TRPM2: variants seen among roughly 807,000 people sequenced by gnomAD.
TRPM2 encodes estrogen-responsive element-associated gene 1 protein.
A neutral mutation model predicts 174.0 loss-of-function variants in TRPM2; 161 were observed. The ratio of observed to expected loss-of-function variants is 0.93; its 90% CI spans 0.81 to 1.05. The LOEUF (loss-of-function observed/expected upper bound fraction) is 1.05, where lower values mean the gene tolerates loss of function less well. TRPM2 is among the 50% of genes least tolerant of loss of function. The probability of loss-of-function intolerance (pLI) is 0.00; values close to 1 mark genes in which losing one functional copy is unlikely to be tolerated. For missense variants in TRPM2, 2,057 were observed against 2,038.0 expected (o/e 1.01, Z -0.18); for synonymous variants, 954 against 861.3 (o/e 1.11, Z -1.88).
chr21:44,392,842 A>G (rs2049226081), intron 11 of TRPM2, among the ~76,000 whole-genome samples: 1 of 152,130 alleles, frequency 6.6e-6, no homozygotes, highest in African/African-American at 2.4e-5. Context: ...TTTTTCCGAC[A>G]GTCAGGTCAG....
At chr21:44,388,249 T>C (rs1489289457) in intron 9 of TRPM2, among the ~76,000 whole-genome samples, 3 of 152,190 alleles carry the variant, frequency 2.0e-5, no homozygotes, top group Admixed American at 1.3e-4. Flanking sequence ...TTCTGACACA[T>C]GCTGCAACAT....
chr21:44,378,086 GA>G (rs1176619305), intron 7 of TRPM2, among the ~76,000 whole-genome samples: 1 of 152,214 alleles, frequency 6.6e-6, no homozygotes, highest in Non-Finnish European at 1.5e-5. Context: ...ACCTGCTGGG[GA>G]GGCTGGGGGG....
Position 44,407,080 on chromosome 21 carries a change from C to T in TRPM2, c.2962+315C>T, listed in dbSNP as rs551685187. On this transcript the variant is annotated intron_variant, in intron 19 of 31. Transcript: ENST00000397928. ...GAATGTCACCCTGTATCCCCTTTCC[C>T]TCTCACCTCAATCAGAAATAACTTC... Among the ~76,000 whole-genome samples, 50 of 137,634 alleles carry T rather than the reference C, an allele frequency of 3.6e-4. No individual in the cohort carries two copies. In the East Asian group the frequency reaches 8.2e-3, roughly 22 times the overall value. 90.3% of individuals were successfully genotyped at this position (137,634 alleles called of 152,430 possible).
chr21:44,350,746 C>T (rs2122996269), upstream of TRPM2, among the ~76,000 whole-genome samples: 10 of 151,866 alleles, frequency 6.6e-5, no homozygotes, highest in African/African-American at 2.2e-4. Context: ...GACTGGAGCA[C>T]CCAGTGTGCG....
rs1408328058 is a variant in TRPM2, at chr21:44,390,886, G to A, written c.1319-18G>A. On this transcript the variant is annotated intron_variant, in intron 9 of 31. Transcript: ENST00000397928. ...TGAGCTCCAGATCGAGGCCCAATAT[G>A]CACCTGTTCATCTGCAGCCTCACGG... is the stretch of plus-strand genomic sequence containing the variant. 2 of 1,613,922 alleles carry A rather than the reference G, an allele frequency of 1.2e-6. No homozygotes were observed. Among genetic ancestry groups the A allele is most frequent in the Non-Finnish European group, 1.7e-6 (2 of 1,180,022 alleles).
At chr21:44,384,963 C>T (rs754520456) in intron 9 of TRPM2, among the ~76,000 whole-genome samples, 12 of 152,160 alleles carry the variant, frequency 7.9e-5, no homozygotes, top group Non-Finnish European at 1.5e-4. Context: ...TATTCTGATA[C>T]CAAAGACAGA....
At chr21:44,406,523 TG>T (rs750220920) in intron 18 of TRPM2, 70 bp from the exon 19 acceptor site, 125 of 1,516,756 alleles carry the variant, frequency 8.2e-5, no homozygotes, top group Non-Finnish European at 1.0e-4. Flanking sequence ...CCACCGCTGC[TG>T]GGCCTGCCTC....
Position 44,376,015 on chromosome 21 carries a change from TA to T in TRPM2, c.952+3del. The stretch of plus-strand genomic sequence containing the variant: ...CGGAGCAGACCAAGGAAAGAGGAGG[TA>T]GGGGAGCTTGCTTTCGAGGGTGATT... On this transcript the variant is annotated splice_donor_region_variant and intron_variant, in intron 6 of 31. Coordinates refer to ENST00000397928, the MANE Select transcript of TRPM2 (RefSeq NM_003307.4). The surrounding 1 kb of genome is among the most constrained non-coding windows in gnomAD (Gnocchi z 4.2). 1 of 1,610,380 alleles carries T rather than the reference TA, an allele frequency of 6.2e-7. No individual in the cohort carries two copies. Among genetic ancestry groups the T allele is most frequent in the Non-Finnish European group, 8.5e-7 (1 of 1,177,324 alleles).
intron 9 of TRPM2, among the ~76,000 whole-genome samples, 182 bp from the exon 10 acceptor site, chr21:44,390,721 GA>G (rs1569050548): frequency 6.6e-6 from 1 of 152,180 alleles, no homozygotes; most frequent in Non-Finnish European, 1.5e-5. Flanking sequence ...TTCTGACTCC[GA>G]AATGGAACAT....
chr21:44,410,277 C>A (rs1261418174), intron 19 of TRPM2, among the ~76,000 whole-genome samples: 4 of 78,334 alleles, frequency 5.1e-5, no homozygotes, highest in Non-Finnish European at 8.6e-5. Flanking sequence ...CTTGGCGTAG[C>A]CTTGTAGTAA....
rs201016919 is a variant in TRPM2, at chr21:44,406,687, C to T, written c.2884C>T (p.Arg962Trp). 17 of 1,610,100 alleles carry T rather than the reference C, an allele frequency of 1.1e-5. No homozygotes were observed. The highest frequency in any genetic ancestry group is 3.4e-5 in the Admixed American group (2 of 59,622). The change falls in exon 19 of 32, where the codon CGG becomes TGG. Residue 962 changes from arginine (R) to tryptophan (W), a missense_variant. Coordinates refer to ENST00000397928, the MANE Select transcript of TRPM2 (RefSeq NM_003307.4). ...KQAILIHNER[R>W]VDWLFRGAVY... ...GGCCATCCTCATCCACAACGAGCGCCGGGTGGACTGGCTGTTCCGAGGGGC... is the reference window on the plus strand; with the variant it reads ...GGCCATCCTCATCCACAACGAGCGCTGGGTGGACTGGCTGTTCCGAGGGGC...
chr21:44,429,422 G>A (rs185007462), intron 27 of TRPM2, among the ~76,000 whole-genome samples: 1 of 150,700 alleles, frequency 6.6e-6, no homozygotes, highest in Non-Finnish European at 1.5e-5. Flanking sequence ...TGAGTAGTTG[G>A]AATTACAGGC....
Position 44,418,374 on chromosome 21 carries a change from C to T in TRPM2, c.3329-49C>T, listed in dbSNP as rs536078380. 36 of 1,599,474 alleles carry T rather than the reference C, an allele frequency of 2.3e-5. No homozygotes were observed. The Admixed American group carries it at 3.7e-4, about 17-fold the overall frequency. Reference sequence around the variant, plus strand: ...CCCGGTGGGTCAGGGCTTCAGGGCCCACCTCCTGAGGATTCCAGGTCCCCT... The same window carrying T: ...CCCGGTGGGTCAGGGCTTCAGGGCCTACCTCCTGAGGATTCCAGGTCCCCT... On this transcript the variant is annotated intron_variant, in intron 21 of 31. Coordinates refer to ENST00000397928, the MANE Select transcript of TRPM2 (RefSeq NM_003307.4).
At chr21:44,414,131 C>A (rs558319615) in intron 20 of TRPM2, 57 bp downstream of exon 20, 11 of 1,575,176 alleles carry the variant, frequency 7.0e-6, no homozygotes, top group African/African-American at 1.4e-5. Flanking sequence ...GTTCCTGGGC[C>A]GCAGTGGCCA....
At chr21:44,413,125 C>T (rs555151946) in intron 19 of TRPM2, among the ~76,000 whole-genome samples, 2 of 152,016 alleles carry the variant, frequency 1.3e-5, no homozygotes, top group African/African-American at 2.4e-5. Flanking sequence ...CACAATCACC[C>T]GTTTCACTTG....
At chr21:44,425,642 T>C in intron 24 of TRPM2, 28 bp from the exon 25 acceptor site, 1 of 1,468,390 alleles carries the variant, frequency 6.8e-7, no homozygotes, top group Non-Finnish European at 9.1e-7. Context: ...GGCTCCGCCT[T>C]GCGTCACGTC....
intron 19 of TRPM2, among the ~76,000 whole-genome samples, chr21:44,410,417 C>G (rs113186273): frequency 1.7e-4 from 9 of 54,290 alleles, no homozygotes; most frequent in South Asian, 5.5e-4. Flanking sequence ...TGACTGCACT[C>G]TCTTGGTTGG....
intron 8 of TRPM2, among the ~76,000 whole-genome samples, 176 bp downstream of exon 8, chr21:44,379,373 C>T (rs1259521138): frequency 6.6e-6 from 1 of 152,172 alleles, no homozygotes; most frequent in Non-Finnish European, 1.5e-5. Flanking sequence ...GGCTGGGTTC[C>T]GGAGGTCAGA....
In TRPM2 at chr21:44,391,847, C is replaced by T. The variant is rs1453654333; in HGVS notation, c.1794+222C>T. On this transcript the variant is annotated intron_variant, in intron 11 of 31. Coordinates refer to ENST00000397928, the MANE Select transcript of TRPM2 (RefSeq NM_003307.4). This position sits in a 1 kb window ranked among gnomAD's most constrained non-coding sequence, Gnocchi z 5.0. ...AGCCCGAAGTCCCAGATTAAGGCAC[C>T]AGCAGGGCTGGCTTCTGGCCAGGGC... Among the ~76,000 whole-genome samples the T allele has an allele frequency of 6.6e-6, 1 of 152,236 alleles. No individual in the cohort carries two copies. Among genetic ancestry groups the T allele is most frequent in the Non-Finnish European group, 1.5e-5 (1 of 68,048 alleles).
Sources: gnomAD v4.1 joint callset for allele counts (sites outside exome capture counted in the v4.1 genomes callset) on GRCh38, gnomAD v4.1.1 for gene constraint, Gnocchi (gnomAD v3.1) non-coding constraint, MANE v1.5 for transcripts, NCBI Gene and HGNC (gene_info 2026-07-23, HGNC 2026-07-21) for gene names.